Variants in COLQ observed in about 807,000 individuals in gnomAD.
COLQ encodes acetylcholinesterase collagenic tail peptide.
Under a neutral mutation model 69.0 loss-of-function variants are expected in COLQ, and 48 were observed. The ratio of observed to expected loss-of-function variants is 0.70; its 90% CI spans 0.55 to 0.88. COLQ has a LOEUF of 0.88. Among genes scored for constraint, COLQ ranks in the 40% least tolerant of loss-of-function variants. The pLI, the probability that COLQ is intolerant of heterozygous loss-of-function variation, is 0.00. For missense variants in COLQ, 618 were observed against 594.6 expected (o/e 1.04, Z -0.41); for synonymous variants, 217 against 211.2 (o/e 1.03, Z -0.24).
intron 15 of COLQ, among the ~76,000 whole-genome samples, chr3:15,455,438 C>T (rs1240838628): frequency 6.6e-6 from 1 of 152,252 alleles, no homozygotes; most frequent in African/African-American, 2.4e-5. Flanking sequence ...AGGCTGACAG[C>T]AGCTCTGGCT....
intron 1 of COLQ, among the ~76,000 whole-genome samples, chr3:15,517,767 C>T (rs1347115185): frequency 6.6e-6 from 1 of 152,290 alleles, no homozygotes; most frequent in East Asian, 1.9e-4. Context: ...CAATAGAAAT[C>T]ATTCTAATAT....
chr3:15,516,044 CTG>C (rs2063056628), intron 1 of COLQ, among the ~76,000 whole-genome samples: 1 of 152,188 alleles, frequency 6.6e-6, no homozygotes, highest in African/African-American at 2.4e-5. Flanking sequence ...CCACCCCTCT[CTG>C]TGTCTGAACA....
In COLQ at chr3:15,466,242, T is replaced by C; in HGVS notation, c.814+99A>G. ...TGGAGTGTCTCTGGTAGTTTCTAAC[T>C]TGAAACACAAGGCATCTCTGCTGGC... On this transcript the variant is annotated intron_variant, in intron 12 of 16. Coordinates refer to ENST00000383788, the MANE Select transcript of COLQ (RefSeq NM_005677.4). 7 of 831,070 alleles carry C rather than the reference T, an allele frequency of 8.4e-6. No homozygotes were observed. The South Asian group carries it at 1.0e-4, about 12-fold the overall frequency. 51.5% of individuals were successfully genotyped at this position (831,070 alleles called of 1,614,324 possible).
intron 7 of COLQ, 96 bp downstream of exon 7, chr3:15,475,329 G>T: frequency 1.7e-6 from 2 of 1,209,840 alleles, no homozygotes; most frequent in Non-Finnish European, 2.4e-6. Context: ...TCCCTAGTCC[G>T]GGACTGCAGC....
At chr3:15,468,321 GTTTTTTTTTT>G (rs540716062) in intron 11 of COLQ, among the ~76,000 whole-genome samples, 3 of 71,258 alleles carry the variant, frequency 4.2e-5, no homozygotes, top group East Asian at 5.7e-4. Flanking sequence ...AGTTACTGAA[GTTTTTTTTTT>G]TTTTTTTTTT....
chr3:15,467,748 G>A (rs574863882), intron 11 of COLQ: 26 of 412,378 alleles, frequency 6.3e-5, no homozygotes, highest in South Asian at 1.6e-4. Flanking sequence ...CTACACTTGC[G>A]CCTTGGCAGG....
At chr3:15,518,297 C>T (rs1213621760) in intron 1 of COLQ, among the ~76,000 whole-genome samples, 1 of 152,060 alleles carries the variant, frequency 6.6e-6, no homozygotes, top group Non-Finnish European at 1.5e-5. Flanking sequence ...TATTGTTTTT[C>T]TTGTAATCAT....
chr3:15,474,895 T>G (rs2062353039), intron 8 of COLQ, 30 bp downstream of exon 8: 2 of 1,613,970 alleles, frequency 1.2e-6, no homozygotes, highest in South Asian at 2.2e-5. Flanking sequence ...CAGACCAGGC[T>G]CTAGGACACC....
chr3:15,508,162 TTTAA>T (rs1336592339), intron 1 of COLQ, among the ~76,000 whole-genome samples: 1 of 152,252 alleles, frequency 6.6e-6, no homozygotes, highest in African/African-American at 2.4e-5. Flanking sequence ...ATATTTTATA[TTTAA>T]ATCTTCATTC....
intron 3 of COLQ, among the ~76,000 whole-genome samples, chr3:15,480,535 T>A (rs2062462704): frequency 6.6e-6 from 1 of 152,230 alleles, no homozygotes; most frequent in Non-Finnish European, 1.5e-5. Context: ...GGCTGCATAG[T>A]ATTCCATGGT....
intron 1 of COLQ, among the ~76,000 whole-genome samples, chr3:15,512,173 G>C (rs1222040248): frequency 6.6e-6 from 1 of 152,196 alleles, no homozygotes; most frequent in African/African-American, 2.4e-5. Flanking sequence ...TGGTACAGAA[G>C]GATGAGTGAG....
intron 3 of COLQ, among the ~76,000 whole-genome samples, chr3:15,486,287 T>G (rs1446485726): frequency 2.0e-5 from 3 of 152,218 alleles, no homozygotes; most frequent in African/African-American, 7.2e-5. Context: ...GGTATCTTGT[T>G]AGAATGCAGA....
chr3:15,478,894 C>T (rs2062426922), intron 5 of COLQ, 83 bp downstream of exon 5: 1 of 1,539,974 alleles, frequency 6.5e-7, no homozygotes, highest in African/African-American at 1.4e-5. Flanking sequence ...AAGTGCATTG[C>T]TGTTCCCCCC....
At chr3:15,490,013 T>C (rs1160074298) in intron 1 of COLQ, among the ~76,000 whole-genome samples, 1 of 152,208 alleles carries the variant, frequency 6.6e-6, no homozygotes, top group African/African-American at 2.4e-5. Context: ...ACTTTAATAT[T>C]GTACTCAGAA....
intron 10 of COLQ, among the ~76,000 whole-genome samples, chr3:15,471,049 T>C (rs1438599376): frequency 6.6e-6 from 1 of 152,222 alleles, no homozygotes; most frequent in Non-Finnish European, 1.5e-5. Flanking sequence ...TTAGCACAAA[T>C]TCAAATCTGG....
intron 10 of COLQ, among the ~76,000 whole-genome samples, chr3:15,471,418 C>T (rs2062285270): frequency 6.6e-6 from 1 of 152,240 alleles, no homozygotes; most frequent in Non-Finnish European, 1.5e-5. Flanking sequence ...TCTCCTTCTT[C>T]CCCATTTTCT....
chr3:15,482,093 T>C lies in COLQ; in HGVS notation c.322-2711A>G, dbSNP rs1159582990. 2.0e-5 allele frequency among the ~76,000 whole-genome samples: 3 copies of C among 152,374 alleles called. No homozygotes were observed. The East Asian group carries it at 5.8e-4, about 29-fold the overall frequency. On this transcript the variant is annotated intron_variant, in intron 3 of 16. Coordinates refer to ENST00000383788, the MANE Select transcript of COLQ (RefSeq NM_005677.4). ...TCCTGAGATTTGCTGAAGTTGCTTA[T>C]CAGCTTAAGGAGATTTTGGGCTGAG...
rs1383048184 is a variant in COLQ, at chr3:15,450,867, G to A, written c.*777C>T. ...GGAAATGGACATGAGGGACATTTTT[G>A]AGACAGGGGGCAAAGTGCAGAGAGA... On this transcript the variant is annotated 3_prime_UTR_variant, in exon 17 of 17. Coordinates refer to ENST00000383788, the MANE Select transcript of COLQ (RefSeq NM_005677.4). 6.6e-6 allele frequency: 1 copy of A among 152,524 alleles called. No individual in the cohort carries two copies. Among genetic ancestry groups the A allele is most frequent in the African/African-American group, 2.4e-5 (1 of 41,460 alleles). 9.4% of individuals were successfully genotyped at this position (152,524 alleles called of 1,614,324 possible).
intron 1 of COLQ, among the ~76,000 whole-genome samples, chr3:15,515,414 A>G (rs1351633777): frequency 6.6e-6 from 1 of 152,134 alleles, no homozygotes; most frequent in Non-Finnish European, 1.5e-5. Flanking sequence ...GGGAAAGACA[A>G]CTGTAGTTGT....
Sources: allele counts gnomAD v4.1 joint callset (sites outside exome capture counted in the v4.1 genomes callset), GRCh38; gene constraint gnomAD v4.1.1; transcripts MANE v1.5; gene names NCBI Gene and HGNC (gene_info 2026-07-23, HGNC 2026-07-21).